The following CRKL variants were observed in gnomAD, a reference collection of about 807,000 sequenced individuals.
CRKL encodes the protein CRK like proto-oncogene, adaptor protein, also known as crk-like protein.
CRKL carries 3 observed loss-of-function variants against 23.0 expected under a neutral mutation model. The observed-to-expected ratio is 0.13, with a 90% confidence interval of 0.06 to 0.34. The LOEUF is 0.34. Ranked by LOEUF, CRKL falls within the 10% of genes least tolerant of loss-of-function variation. The probability of loss-of-function intolerance (pLI) is 1.00; values close to 1 mark genes in which losing one functional copy is unlikely to be tolerated. For missense variants in CRKL, 256 were observed against 394.5 expected, an observed-to-expected ratio of 0.65 and a Z score of 2.97; for synonymous variants, 188 against 160.7, an observed-to-expected ratio of 1.17 and a Z score of -1.28.
chr22:20,930,911 T>C (rs1921426589), intron 1 of CRKL, among the ~76,000 whole-genome samples: 1 of 150,768 alleles, frequency 6.6e-6, no homozygotes, highest in Non-Finnish European at 1.5e-5. Context: ...CTCAATCTCC[T>C]GACCTTGTGA....
intron 2 of CRKL, among the ~76,000 whole-genome samples, chr22:20,937,497 G>C (rs1050573186): frequency 2.0e-5 from 3 of 148,772 alleles, no homozygotes; most frequent in Non-Finnish European, 4.4e-5. Context: ...TCACTGGAGC[G>C]AGTACTAGGA....
intron 1 of CRKL, among the ~76,000 whole-genome samples, chr22:20,931,807 A>AT (rs1921463015): frequency 1.3e-5 from 2 of 151,796 alleles, no homozygotes; most frequent in African/African-American, 2.4e-5. Flanking sequence ...TTTTATTTTT[A>AT]TTTTATTTTA....
rs1250668218 is a variant in CRKL, at chr22:20,918,204, C to T, written c.270C>T (p.Ile90=). 3 of 1,613,982 alleles carry T rather than the reference C, an allele frequency of 1.9e-6. No individual in the cohort carries two copies. The highest frequency in any genetic ancestry group is 1.7e-6 in the Non-Finnish European group (2 of 1,180,040). Residue 90 remains isoleucine, a synonymous_variant, in exon 1 of 3, where the codon ATC becomes ATT. Coordinates refer to ENST00000354336, the MANE Select transcript of CRKL (RefSeq NM_005207.4). ...HLPALLEFYK[I]HYLDTTTLIE... ...CGGCCCTGCTGGAGTTTTACAAGAT[C>T]CACTACCTGGACACCACCACCCTCA...
rs371278201 is a variant in CRKL, at chr22:20,927,111, C to CAAAAAAAAAAAA, written c.312-6654_312-6643dup. On this transcript the variant is annotated intron_variant, in intron 1 of 2. Transcript: ENST00000354336. ...TGGGTGACAGAGCAAGACTCCGTCT[C>CAAAAAAAAAAAA]AAAAAAAAAAAAAAAAAAAAAAAAA... is the stretch of plus-strand genomic sequence containing the variant. 6.7e-3 allele frequency among the ~76,000 whole-genome samples: 323 copies of CAAAAAAAAAAAA among 48,512 alleles called. 15 individuals are homozygous for CAAAAAAAAAAAA. Among genetic ancestry groups the CAAAAAAAAAAAA allele is most frequent in the African/African-American group, 9.1e-3 (83 of 9,156 alleles). The allele number at this position is 48,512 out of a possible 152,430, so 31.8% of individuals were successfully genotyped here.
intron 1 of CRKL, among the ~76,000 whole-genome samples, chr22:20,921,099 G>A (rs1163280189): frequency 2.0e-5 from 3 of 152,166 alleles, no homozygotes; most frequent in Non-Finnish European, 4.4e-5. Context: ...GTGACTACTA[G>A]AGCCTGGGCC....
At chr22:20,927,824 CAG>C (rs1357582626) in intron 1 of CRKL, among the ~76,000 whole-genome samples, 2 of 104,810 alleles carry the variant, frequency 1.9e-5, no homozygotes, top group African/African-American at 3.9e-5. Context: ...GTCTGGGTAA[CAG>C]AGCAAGACTC....
At position 20,917,409 on chromosome 22, in the gene CRKL, A is replaced by C; in HGVS notation, c.-526A>C. 1 of 217,284 alleles carries C rather than the reference A, an allele frequency of 4.6e-6. No individual in the cohort carries two copies. Among genetic ancestry groups the C allele is most frequent in the Non-Finnish European group, 9.3e-6 (1 of 107,510 alleles). The allele number at this position is 217,284 out of a possible 1,614,324, so 13.5% of individuals were successfully genotyped here. A position where few individuals can be genotyped will look rare whatever the true frequency, so the allele number is the denominator to read the frequency against. Reference sequence around the variant, plus strand: ...GGGAGCCGGGGCCCAGCGCGTGCGCAGACGGAGCGCGCTGAGCGGAGGGGG... The same window carrying C: ...GGGAGCCGGGGCCCAGCGCGTGCGCCGACGGAGCGCGCTGAGCGGAGGGGG... On this transcript the variant is annotated 5_prime_UTR_variant, in exon 1 of 3. Coordinates refer to ENST00000354336, the MANE Select transcript of CRKL (RefSeq NM_005207.4).
intron 2 of CRKL, among the ~76,000 whole-genome samples, chr22:20,943,450 A>G (rs1391991960): frequency 6.6e-6 from 1 of 152,130 alleles, no homozygotes; most frequent in African/African-American, 2.4e-5. Context: ...CATGTTGGCC[A>G]GGCTCTTCTG....
At chr22:20,921,610 G>C (rs1161646765) in intron 1 of CRKL, among the ~76,000 whole-genome samples, 1 of 152,308 alleles carries the variant, frequency 6.6e-6, no homozygotes, top group East Asian at 1.9e-4. Context: ...GGCTTGGCCT[G>C]AGAGGAGGAG....
chr22:20,917,946 C>T lies in CRKL; in HGVS notation c.12C>T (p.Ala4=), dbSNP rs1006436483. MSS[A]RFDSSDRSAW... ...CCCGGTCCAACACCATGTCCTCCGCCAGGTTCGACTCCTCGGACCGCTCCG... is the reference window on the plus strand; with the variant it reads ...CCCGGTCCAACACCATGTCCTCCGCTAGGTTCGACTCCTCGGACCGCTCCG... The change falls in exon 1 of 3, where the codon GCC becomes GCT. Residue 4 remains alanine, a synonymous_variant. Transcript: ENST00000354336. The T allele has an allele frequency of 2.5e-6, 4 of 1,613,712 alleles. No homozygotes were observed. The highest frequency in any genetic ancestry group is 2.2e-5 in the East Asian group (1 of 44,876).
intron 2 of CRKL, among the ~76,000 whole-genome samples, chr22:20,936,070 C>G (rs1180270673): frequency 6.6e-6 from 1 of 152,050 alleles, no homozygotes; most frequent in Non-Finnish European, 1.5e-5. Flanking sequence ...TGAGGTGGAA[C>G]AATTGCTTGA....
chr22:20,945,092 C>T (rs1318560461), intron 2 of CRKL, among the ~76,000 whole-genome samples: 2 of 151,738 alleles, frequency 1.3e-5, no homozygotes, highest in Non-Finnish European at 2.9e-5. Context: ...CTCCCGGGTG[C>T]ACGCCATTCT....
intron 1 of CRKL, among the ~76,000 whole-genome samples, chr22:20,924,863 G>C (rs562178466): frequency 6.6e-6 from 1 of 151,248 alleles, no homozygotes. Context: ...CAAGAACACT[G>C]TCATGCTGAG....
chr22:20,941,538 ATGTGTGTGTGTGTGTG>A (rs1187984983), intron 2 of CRKL, among the ~76,000 whole-genome samples: 1,568 of 50,438 alleles, frequency 0.031, 464 homozygotes, highest in Non-Finnish European at 0.044. Context: ...TATATATTTT[ATGTGTGTGTGTGTGTG>A]TGTGTGTGTG....
At chr22:20,918,989 G>A (rs1305635253) in intron 1 of CRKL, among the ~76,000 whole-genome samples, 1 of 109,496 alleles carries the variant, frequency 9.1e-6, no homozygotes, top group Non-Finnish European at 1.7e-5. Flanking sequence ...CCCGCCAAAG[G>A]CACGTACACA....
At chr22:20,948,142 A>G (rs974070654) in intron 2 of CRKL, among the ~76,000 whole-genome samples, 1 of 152,190 alleles carries the variant, frequency 6.6e-6, no homozygotes, top group African/African-American at 2.4e-5. Flanking sequence ...ATCATGTAGA[A>G]AGTATCCTGT....
chr22:20,918,678 G>T (rs2147892638), intron 1 of CRKL, among the ~76,000 whole-genome samples: 1 of 147,284 alleles, frequency 6.8e-6, no homozygotes, highest in African/African-American at 2.5e-5. Flanking sequence ...TGCAACCTCC[G>T]CCTCCCGGGT....
Position 20,917,590 on chromosome 22 carries a change from G to A in CRKL, c.-345G>A, listed in dbSNP as rs1289934231. The stretch of plus-strand genomic sequence containing the variant: ...AGACCCGTCGAGCTGCGGCGCCGGC[G>A]CGTTCCAGGCCGGGAGTCACTGGAG... On this transcript the variant is annotated 5_prime_UTR_variant, in exon 1 of 3. Transcript: ENST00000354336. 1 of 326,780 alleles carries A rather than the reference G, an allele frequency of 3.1e-6. No individual in the cohort carries two copies. The highest frequency in any genetic ancestry group is 5.6e-6 in the Non-Finnish European group (1 of 178,968). The allele number at this position is 326,780 out of a possible 1,614,324, so 20.2% of individuals were successfully genotyped here. A position where few individuals can be genotyped will look rare whatever the true frequency, so the allele number is the denominator to read the frequency against.
intron 1 of CRKL, among the ~76,000 whole-genome samples, chr22:20,931,494 C>T (rs574820978): frequency 1.3e-5 from 2 of 152,256 alleles, no homozygotes; most frequent in East Asian, 1.9e-4. Flanking sequence ...TGGTGCTGCT[C>T]GGTAATTTTG....
Sources: gnomAD v4.1 joint callset for allele counts (sites outside exome capture counted in the v4.1 genomes callset) on GRCh38, gnomAD v4.1.1 for gene constraint, MANE v1.5 for transcripts, NCBI Gene and HGNC (gene_info 2026-07-23, HGNC 2026-07-21) for gene names.